Variants in FATE1 observed in about 807,000 individuals in gnomAD.
FATE1 encodes the protein fetal and adult testis expressed 1.
In FATE1, 18 loss-of-function variants were observed where a neutral mutation model predicts 16.0. The observed-to-expected ratio is 1.12, with a 90% confidence interval of 0.78 to 1.66. FATE1 has a LOEUF of 1.66. Among genes scored for constraint, FATE1 ranks in the 40% most tolerant of loss-of-function variants. The pLI is 0.00. For missense variants in FATE1, 169 were observed against 152.7 expected (o/e 1.11, Z -0.56); for synonymous variants, 76 against 56.9 (o/e 1.34, Z -1.51).
chrX:151,717,240 G>A lies in FATE1; in HGVS notation c.107-32G>A, dbSNP rs1427893138. 7 of 1,190,174 alleles carry A rather than the reference G, an allele frequency of 5.9e-6. No homozygotes were observed. The South Asian group carries it at 1.3e-4, about 21-fold the overall frequency. On this transcript the variant is annotated intron_variant, in intron 1 of 4. Transcript: ENST00000370350. ...AAGAAACCCTGGTGCAACTTCTATG[G>A]GTGCTCCTGGAGCTTCTGTTCTTCT...
At chrX:151,722,026 C>G in intron 4 of FATE1, 45 bp downstream of exon 4, 1 of 1,122,114 alleles carries the variant, frequency 8.9e-7, no homozygotes, top group Non-Finnish European at 1.2e-6. Context: ...ATCACAGTGC[C>G]TTGGAATAGG....
At chrX:151,718,245 A>AAGAAAGAAAGAAAGAAAGAAAGAG (rs1556270327) in intron 2 of FATE1, among the ~76,000 whole-genome samples, 82 of 103,162 alleles carry the variant, frequency 7.9e-4, no homozygotes, top group African/African-American at 2.6e-3. Context: ...GAAAGAGAGA[A>AAGAAAGAAAGAAAGAAAGAAAGAG]AGAAAGAAAG....
intron 2 of FATE1, among the ~76,000 whole-genome samples, chrX:151,720,122 G>C (rs752976083): frequency 8.9e-6 from 1 of 111,822 alleles, no homozygotes; most frequent in Non-Finnish European, 1.9e-5. Context: ...AACCAGGAGT[G>C]AGAAGTGTGG....
rs916536579 is a variant in FATE1, at chrX:151,721,590, G to A, written c.341+89G>A. ...TGGTGAGCAGCCTGGCCAGGATGGAGTCATGAGGGCCTGGAATGCCTCCCT... is the reference window on the plus strand; with the variant it reads ...TGGTGAGCAGCCTGGCCAGGATGGAATCATGAGGGCCTGGAATGCCTCCCT... On this transcript the variant is annotated intron_variant, in intron 3 of 4. Coordinates refer to ENST00000370350, the MANE Select transcript of FATE1 (RefSeq NM_033085.3). 18 of 820,433 alleles carry A rather than the reference G, an allele frequency of 2.2e-5. No individual in the cohort carries two copies. In the African/African-American group the frequency reaches 3.4e-4, roughly 16 times the overall value. 67.6% of individuals were successfully genotyped at this position (820,433 alleles called of 1,213,427 possible). A position where few individuals can be genotyped will look rare whatever the true frequency, so the allele number is the denominator to read the frequency against.
chrX:151,718,241 G>GAAAGAAAGAA (rs1569424995), intron 2 of FATE1, among the ~76,000 whole-genome samples: 9 of 98,806 alleles, frequency 9.1e-5, no homozygotes, highest in African/African-American at 3.4e-4. Context: ...GAAAGAAAGA[G>GAAAGAAAGAA]AGAAAGAAAG....
At chrX:151,722,382 C>G (rs1335539540) in intron 4 of FATE1, among the ~76,000 whole-genome samples, 2 of 112,339 alleles carry the variant, frequency 1.8e-5, no homozygotes, top group East Asian at 2.8e-4. Flanking sequence ...ATGGGCTGGT[C>G]TCTTCCAGAG....
At chrX:151,719,538 C>A (rs2015097368) in intron 2 of FATE1, among the ~76,000 whole-genome samples, 1 of 111,987 alleles carries the variant, frequency 8.9e-6, no homozygotes, top group Non-Finnish European at 1.9e-5. Context: ...GAAAATCAAG[C>A]AATGGTCTGA....
intron 4 of FATE1, 62 bp from the exon 5 acceptor site, chrX:151,722,566 C>T (rs2015126955): frequency 8.3e-7 from 1 of 1,202,487 alleles, no homozygotes; most frequent in African/African-American, 1.7e-5. Context: ...TTTCCCATGG[C>T]TGTGCTGTGG....
intron 4 of FATE1, among the ~76,000 whole-genome samples, 164 bp from the exon 5 acceptor site, chrX:151,722,435 AGACGTAGCAGCCAGGTCTTTGGTCCCGCG>A (rs1263581207): frequency 8.9e-6 from 1 of 112,923 alleles, no homozygotes; most frequent in Non-Finnish European, 1.9e-5. Context: ...TGGGGCCTGC[AGACGTAGCAGCCAGGTCTTTGGTCCCGCG>A]GACCTGGCCC....
chrX:151,721,630 G>A, intron 3 of FATE1, 129 bp downstream of exon 3: 1 of 610,582 alleles, frequency 1.6e-6, no homozygotes, highest in Non-Finnish European at 2.6e-6. Flanking sequence ...GAGACCATGA[G>A]TACCCTGGCT....
intron 2 of FATE1, among the ~76,000 whole-genome samples, chrX:151,720,155 ATTAG>A (rs2015102452): frequency 9.0e-6 from 1 of 111,474 alleles, no homozygotes; most frequent in Non-Finnish European, 1.9e-5. Context: ...TACATAGATC[ATTAG>A]TTAAAGGCCC....
Position 151,716,117 on chromosome X carries a change from G to T in FATE1, c.-3G>T. The T allele has an allele frequency of 8.6e-7, 1 of 1,163,575 alleles. No individual in the cohort carries two copies. Among genetic ancestry groups the T allele is most frequent in the Non-Finnish European group, 1.1e-6 (1 of 870,259 alleles). ...ATAGCTTACAAGAGAACAGCTGGTT[G>T]TGATGGCAGGAGGCCCTCCCAACAC... On this transcript the variant is annotated 5_prime_UTR_variant, in exon 1 of 5. Coordinates refer to ENST00000370350, the MANE Select transcript of FATE1 (RefSeq NM_033085.3).
rs1438738822 is a variant in FATE1 at position 151,718,098 on chromosome X, GAA to G, written c.234+701_234+702del. On this transcript the variant is annotated intron_variant, in intron 2 of 4. Coordinates refer to ENST00000370350, the MANE Select transcript of FATE1 (RefSeq NM_033085.3). ...GAGACTCTGTCAAGAAAGAAAGAAA[GAA>G]AGAGAGAGAGAGGAAGGAAGGAAGG... is the stretch of plus-strand genomic sequence containing the variant. Among the ~76,000 whole-genome samples the G allele has an allele frequency of 4.8e-3, 432 of 89,498 alleles. 5 individuals are homozygous for G. The highest frequency in any genetic ancestry group is 0.015 in the African/African-American group (354 of 24,024). 77.7% of individuals were successfully genotyped at this position (89,498 alleles called of 115,157 possible).
rs752278039 is a variant in FATE1, at chrX:151,721,999, C to T, written c.420+18C>T. Reference sequence around the variant, plus strand: ...GAAGACAGGTGAGGAGGGACCCAATCGGTGGGTGCAAGCAGAATCACAGTG... The same window carrying T: ...GAAGACAGGTGAGGAGGGACCCAATTGGTGGGTGCAAGCAGAATCACAGTG... On this transcript the variant is annotated intron_variant, in intron 4 of 4. Coordinates refer to ENST00000370350, the MANE Select transcript of FATE1 (RefSeq NM_033085.3). 6.7e-6 allele frequency: 8 copies of T among 1,191,703 alleles called. No homozygotes were observed. Among genetic ancestry groups the T allele is most frequent in the East Asian group, 3.0e-5 (1 of 33,597 alleles).
intron 4 of FATE1, among the ~76,000 whole-genome samples, 186 bp downstream of exon 4, chrX:151,722,167 C>G (rs1016007583): frequency 9.0e-6 from 1 of 111,016 alleles, no homozygotes; most frequent in Non-Finnish European, 1.9e-5. Flanking sequence ...TGTCCAGCCT[C>G]AAACTCACTG....
chrX:151,723,155 A>G lies in FATE1; in HGVS notation c.*396A>G, dbSNP rs182675494. The G allele has an allele frequency of 2.3e-4, 31 of 133,424 alleles. No individual in the cohort carries two copies. The highest frequency in any genetic ancestry group is 5.1e-4 in the South Asian group (2 of 3,934). 11.0% of individuals were successfully genotyped at this position (133,424 alleles called of 1,213,427 possible). ...CCACCTCGTGCACAGCGCTCTGCAC[A>G]GACAACACGCTCAATAAAAGTTCAG... On this transcript the variant is annotated 3_prime_UTR_variant, in exon 5 of 5. Coordinates refer to ENST00000370350, the MANE Select transcript of FATE1 (RefSeq NM_033085.3).
intron 3 of FATE1, 104 bp downstream of exon 3, chrX:151,721,605 A>G: frequency 5.6e-6 from 4 of 716,054 alleles, no homozygotes; most frequent in Non-Finnish European, 8.7e-6. Flanking sequence ...GAGGGCCTGG[A>G]ATGCCTCCCT....
chrX:151,716,191 C>T lies in FATE1; in HGVS notation c.72C>T (p.Arg24=). ...TGGCAGAAGAACTGAATCATGGACGCCAAGGGGAAAACCAAGAGCACCTGG... is the reference window on the plus strand; with the variant it reads ...TGGCAGAAGAACTGAATCATGGACGTCAAGGGGAAAACCAAGAGCACCTGG... ...MSLAEELNHG[R]QGENQEHLVI... The change falls in exon 1 of 5, where the codon CGC becomes CGT. Residue 24 remains arginine, a synonymous_variant. Transcript: ENST00000370350. 3 of 1,167,630 alleles carry T rather than the reference C, an allele frequency of 2.6e-6. No homozygotes were observed. The highest frequency in any genetic ancestry group is 4.7e-4 in the Middle Eastern group (2 of 4,300).
intron 4 of FATE1, 118 bp from the exon 5 acceptor site, chrX:151,722,510 C>T: frequency 1.9e-6 from 2 of 1,080,680 alleles, no homozygotes; most frequent in Non-Finnish European, 1.3e-6. Flanking sequence ...CTCCCCGCTC[C>T]ACCGCCAAAG....
Sources: allele counts gnomAD v4.1 joint callset (sites outside exome capture counted in the v4.1 genomes callset), GRCh38; gene constraint gnomAD v4.1.1; transcripts MANE v1.5; gene names NCBI Gene and HGNC (gene_info 2026-07-23, HGNC 2026-07-21).